The following SGCD variants were observed in gnomAD, a reference collection of about 807,000 sequenced individuals.
SGCD encodes the protein delta-sarcoglycan.
A neutral mutation model predicts 36.6 loss-of-function variants in SGCD; 18 were observed. That is an observed-to-expected ratio of 0.49 (90% CI 0.34 to 0.73). SGCD has a LOEUF of 0.73. Among genes scored for constraint, SGCD ranks in the 30% least tolerant of loss-of-function variants. The pLI is 0.01. For synonymous variants in SGCD, 133 were observed against 130.6 expected (o/e 1.02, Z -0.12); for missense variants, 387 against 346.7 (o/e 1.12, Z -0.92).
chr5:156,676,690 C>G (rs967728065), intron 7 of SGCD, among the ~76,000 whole-genome samples: 10 of 152,148 alleles, frequency 6.6e-5, no homozygotes, highest in Admixed American at 1.3e-4. Context: ...CTCAGAATGT[C>G]ATTTCACAAG....
intron 1 of SGCD, 34 bp from the exon 2 acceptor site, chr5:156,329,500 G>A: frequency 6.8e-7 from 1 of 1,476,050 alleles, no homozygotes; most frequent in Non-Finnish European, 9.5e-7. Context: ...AGGCTCTTCA[G>A]ACCTTATTTT....
chr5:156,494,590 A>T (rs1218907280), intron 3 of SGCD, among the ~76,000 whole-genome samples: 1 of 152,106 alleles, frequency 6.6e-6, no homozygotes, highest in Non-Finnish European at 1.5e-5. Flanking sequence ...ACTTTCACAG[A>T]AGTCTTAGAA....
chr5:156,007,177 C>T (rs2127569631), intron 1 of SGCD, among the ~76,000 whole-genome samples: 1 of 152,210 alleles, frequency 6.6e-6, no homozygotes, highest in East Asian at 1.9e-4. Context: ...GGCAGGAGCC[C>T]CCCAGACACT....
chr5:156,199,176 C>G (rs912419074), intron 3 of SGCD, among the ~76,000 whole-genome samples: 1 of 152,084 alleles, frequency 6.6e-6, no homozygotes, highest in African/African-American at 2.4e-5. Flanking sequence ...AAAGATTTCT[C>G]AACACTTAGC....
chr5:156,541,713 C>CT (rs1561766532), intron 4 of SGCD, among the ~76,000 whole-genome samples: 1 of 152,104 alleles, frequency 6.6e-6, no homozygotes, highest in East Asian at 1.9e-4. Context: ...ATTGTGCTAA[C>CT]TTTGCATGTG....
At chr5:156,610,775 GC>G (rs1408459475) in intron 6 of SGCD, among the ~76,000 whole-genome samples, 2 of 152,222 alleles carry the variant, frequency 1.3e-5, no homozygotes, top group African/African-American at 4.8e-5. Context: ...CTGCCACCTT[GC>G]AGTTTGATCT....
the SGCD span, among the ~76,000 whole-genome samples, chr5:155,783,250 T>C: frequency 6.6e-6 from 1 of 152,206 alleles, no homozygotes; most frequent in African/African-American, 2.4e-5. Context: ...CTTCATACAC[T>C]ATTAAAGCTT....
intron 3 of SGCD, among the ~76,000 whole-genome samples, chr5:156,304,435 T>C (rs535577407): frequency 6.6e-5 from 10 of 152,316 alleles, no homozygotes; most frequent in African/African-American, 2.4e-4. Flanking sequence ...CTTTGCCTAT[T>C]GCCATCCATG....
In SGCD at chr5:155,976,511, G is replaced by A. The variant is rs1758116323; in HGVS notation, c.-282+106087G>A. ...AGAACGTAACACAGGCTCATGGCAT[G>A]CCAGGCACCGTGCTCGGTAGCTGAC... On this transcript the variant is annotated intron_variant, in intron 1 of 9. Transcript: ENST00000517913. 2.0e-5 allele frequency among the ~76,000 whole-genome samples: 3 copies of A among 152,198 alleles called. No homozygotes were observed. The South Asian group carries it at 6.2e-4, about 31-fold the overall frequency.
chr5:156,464,652 G>T (rs1754645973), intron 3 of SGCD, among the ~76,000 whole-genome samples: 1 of 152,108 alleles, frequency 6.6e-6, no homozygotes, highest in African/African-American at 2.4e-5. Flanking sequence ...GTAAGAAAGG[G>T]TGCTTGATTC....
At chr5:156,471,675 A>G (rs572550476) in intron 3 of SGCD, among the ~76,000 whole-genome samples, 1 of 152,256 alleles carries the variant, frequency 6.6e-6, no homozygotes, top group East Asian at 1.9e-4. Context: ...TAAAATATAA[A>G]AGCTAAAACT....
chr5:156,286,891 T>C (rs1581219658), intron 3 of SGCD, among the ~76,000 whole-genome samples: 1 of 152,054 alleles, frequency 6.6e-6, no homozygotes, highest in Non-Finnish European at 1.5e-5. Context: ...GAGTGGATGG[T>C]AATAAGAAGG....
chr5:156,574,786 C>T (rs1055466113), intron 4 of SGCD, among the ~76,000 whole-genome samples: 6 of 152,240 alleles, frequency 3.9e-5, no homozygotes, highest in East Asian at 1.9e-4. Context: ...GTTAGTAATT[C>T]GAATCTCAAC....
At chr5:156,203,229 T>C (rs1375263295) in intron 3 of SGCD, among the ~76,000 whole-genome samples, 1 of 152,172 alleles carries the variant, frequency 6.6e-6, no homozygotes, top group Non-Finnish European at 1.5e-5. Context: ...ATGTTATATC[T>C]GTATCCTCTT....
chr5:155,931,549 G>A (rs1346679071), intron 1 of SGCD, among the ~76,000 whole-genome samples: 1 of 152,002 alleles, frequency 6.6e-6, no homozygotes, highest in African/African-American at 2.4e-5. Context: ...TTTTTTAAGT[G>A]CTTGGGGGCT....
At chr5:156,585,093 A>G (rs1362307456) in intron 4 of SGCD, among the ~76,000 whole-genome samples, 2 of 152,164 alleles carry the variant, frequency 1.3e-5, no homozygotes, top group Non-Finnish European at 2.9e-5. Context: ...AATGCTCCCA[A>G]ATTTGGGCAC....
intron 7 of SGCD, among the ~76,000 whole-genome samples, chr5:156,665,053 G>A (rs573053023): frequency 6.6e-5 from 10 of 151,056 alleles, no homozygotes; most frequent in East Asian, 1.9e-4. Context: ...ATGGTATGGC[G>A]CCCTGCCCTG....
chr5:156,193,292 C>T (rs1039312758), intron 3 of SGCD, among the ~76,000 whole-genome samples: 1 of 152,164 alleles, frequency 6.6e-6, no homozygotes, highest in African/African-American at 2.4e-5. Flanking sequence ...TCCAGCCATA[C>T]AGGAACGCGT....
At chr5:156,285,548 A>C (rs1003474502) in intron 3 of SGCD, among the ~76,000 whole-genome samples, 30 of 152,344 alleles carry the variant, frequency 2.0e-4, no homozygotes, top group African/African-American at 7.0e-4. Flanking sequence ...ATATTTGACA[A>C]ACCTGACAAA....
Sources: allele counts gnomAD v4.1 joint callset (sites outside exome capture counted in the v4.1 genomes callset), GRCh38; gene constraint gnomAD v4.1.1; transcripts MANE v1.5; gene names NCBI Gene and HGNC (gene_info 2026-07-23, HGNC 2026-07-21).